The following ZNF492 variants were observed in gnomAD, a reference collection of about 807,000 sequenced individuals.
ZNF492 encodes zinc finger protein 115 (Y20).
Under a neutral mutation model 6.4 loss-of-function variants are expected in ZNF492, and 3 were observed. That is an observed-to-expected ratio of 0.47 (90% confidence interval 0.21 to 1.22). ZNF492 has a LOEUF of 1.22. Among genes scored for constraint, ZNF492 ranks in the 50% most tolerant of loss-of-function variants. The probability of loss-of-function intolerance (pLI) is 0.22; values close to 1 mark genes in which losing one functional copy is unlikely to be tolerated. For missense variants in ZNF492, 356 were observed against 612.5 expected (o/e 0.58, Z 4.42); for synonymous variants, 112 against 205.3 (o/e 0.55, Z 3.89).
At chr19:22,635,795 T>C (rs972109039) in intron 1 of ZNF492, among the ~76,000 whole-genome samples, 2 of 152,190 alleles carry the variant, frequency 1.3e-5, no homozygotes, top group Admixed American at 1.3e-4. Flanking sequence ...CTAAAGTCAT[T>C]TTCTTTCGTA....
intron 1 of ZNF492, among the ~76,000 whole-genome samples, chr19:22,651,849 A>G (rs1282692498): frequency 6.6e-6 from 1 of 152,056 alleles, no homozygotes; most frequent in Non-Finnish European, 1.5e-5. Flanking sequence ...AAGTTTAAAA[A>G]TAATAATAAT....
intron 3 of ZNF492, among the ~76,000 whole-genome samples, chr19:22,663,301 G>A (rs1006717747): frequency 2.6e-5 from 4 of 151,838 alleles, no homozygotes; most frequent in African/African-American, 9.7e-5. Flanking sequence ...CTATATATCT[G>A]TTTTGGTACC....
At chr19:22,650,645 C>T (rs1971930413) in intron 1 of ZNF492, among the ~76,000 whole-genome samples, 1 of 152,052 alleles carries the variant, frequency 6.6e-6, no homozygotes. Context: ...CAGAGTGGCC[C>T]CACACAGTGA....
At chr19:22,659,013 G>A (rs559779193) in intron 3 of ZNF492, among the ~76,000 whole-genome samples, 18 of 152,058 alleles carry the variant, frequency 1.2e-4, no homozygotes, top group South Asian at 1.0e-3. Context: ...CTGTATACTC[G>A]AGGGATTGCT....
chr19:22,634,486 G>A lies in ZNF492; in HGVS notation c.-94+12G>A. 2.9e-6 allele frequency: 4 copies of A among 1,383,784 alleles called. No homozygotes were observed. Among genetic ancestry groups the A allele is most frequent in the Non-Finnish European group, 4.1e-6 (4 of 985,336 alleles). The allele number at this position is 1,383,784 out of a possible 1,614,324, so 85.7% of individuals were successfully genotyped here. ...GAAGCCTAGAAACGGTGAGAGTGCC[G>A]GGTCCGACATCCCGAGAGAGGGGAA... On this transcript the variant is annotated intron_variant, in intron 1 of 3. Transcript: ENST00000456783.
intron 1 of ZNF492, among the ~76,000 whole-genome samples, chr19:22,644,153 C>T (rs1390156625): frequency 8.8e-6 from 1 of 113,512 alleles, no homozygotes; most frequent in African/African-American, 3.3e-5. Flanking sequence ...TCTCAAGATG[C>T]GGTGTAATTT....
intron 1 of ZNF492, among the ~76,000 whole-genome samples, chr19:22,648,135 G>A (rs1971903849): frequency 6.6e-6 from 1 of 152,178 alleles, no homozygotes; most frequent in Admixed American, 6.5e-5. Context: ...CTCTGTCCCA[G>A]AGATTCTAGT....
intron 1 of ZNF492, among the ~76,000 whole-genome samples, chr19:22,651,258 C>A (rs1418374679): frequency 6.6e-6 from 1 of 151,974 alleles, no homozygotes; most frequent in Non-Finnish European, 1.5e-5. Flanking sequence ...ATGAGAGAAC[C>A]TGGATACCTC....
chr19:22,657,624 A>G (rs1972009453), intron 3 of ZNF492, among the ~76,000 whole-genome samples: 1 of 151,112 alleles, frequency 6.6e-6, no homozygotes, highest in Non-Finnish European at 1.5e-5. Context: ...ATCAAGTTAC[A>G]TACCAGATTT....
intron 1 of ZNF492, among the ~76,000 whole-genome samples, chr19:22,649,879 T>C (rs4627500): frequency 0.35 from 53,282 of 152,040 alleles, 9,859 homozygotes; most frequent in African/African-American, 0.49. Context: ...TTTTTGCATT[T>C]GGTTAGAACA....
rs905737106 is a variant in ZNF492 at position 22,665,796 on chromosome 19, T to C, written c.*531T>C. ...AGGTTAGAAAATTCCAGAGAGTTCA[T>C]ATTAAAATATTTTTGCATATACAGT... On this transcript the variant is annotated 3_prime_UTR_variant, in exon 4 of 4. Coordinates refer to ENST00000456783, the MANE Select transcript of ZNF492 (RefSeq NM_020855.3). 6.5e-6 allele frequency: 1 copy of C among 153,708 alleles called. No homozygotes were observed. The allele number at this position is 153,708 out of a possible 1,614,324, so 9.5% of individuals were successfully genotyped here.
intron 1 of ZNF492, among the ~76,000 whole-genome samples, chr19:22,650,732 G>C (rs564252115): frequency 6.6e-6 from 1 of 152,214 alleles, no homozygotes; most frequent in Admixed American, 6.5e-5. Context: ...AGGCTGTGGG[G>C]GACACCTCTT....
chr19:22,648,308 G>A (rs1278135173), intron 1 of ZNF492, among the ~76,000 whole-genome samples: 1 of 152,196 alleles, frequency 6.6e-6, no homozygotes, highest in Admixed American at 6.5e-5. Context: ...TGTGGTCTGA[G>A]AGACTGTTTG....
At chr19:22,657,004 A>G (rs547708446) in intron 3 of ZNF492, among the ~76,000 whole-genome samples, 2 of 152,280 alleles carry the variant, frequency 1.3e-5, no homozygotes, top group African/African-American at 2.4e-5. Context: ...TCTTGCTGTC[A>G]GAAAATAAGC....
rs2361249 is a variant in ZNF492 at position 22,653,429 on chromosome 19, C to T, written c.30C>T (p.Phe10=). MLENYRNLV[F]VGIAASKPDL... is the part of the protein sequence containing the mutation. ...TAGAGAACTACAGAAACCTGGTCTT[C>T]GTGGGTGAGGATAACTTCAATATAC... The change falls in exon 2 of 4, where the codon TTC becomes TTT. Residue 10 remains phenylalanine, a synonymous_variant. Coordinates refer to ENST00000456783, the MANE Select transcript of ZNF492 (RefSeq NM_020855.3). 2.3e-5 allele frequency: 37 copies of T among 1,613,614 alleles called. No individual in the cohort carries two copies. The highest frequency in any genetic ancestry group is 1.7e-4 in the Middle Eastern group (1 of 6,058).
In ZNF492 at chr19:22,660,224, A is replaced by G. The variant is rs531841754; in HGVS notation, c.131-3576A>G. Among the ~76,000 whole-genome samples, 32 of 152,298 alleles carry G rather than the reference A, an allele frequency of 2.1e-4. 1 individual carries two copies. The highest frequency in any genetic ancestry group is 4.1e-4 in the Non-Finnish European group (28 of 68,022). ...GGTTTTTAAAATTTTTAATCTGTTG[A>G]AAGTATGTCTCGATTTGAAAGTTAA... is the stretch of plus-strand genomic sequence containing the variant. On this transcript the variant is annotated intron_variant, in intron 3 of 3. Transcript: ENST00000456783.
At chr19:22,648,054 G>T (rs1190079223) in intron 1 of ZNF492, among the ~76,000 whole-genome samples, 15 of 152,126 alleles carry the variant, frequency 9.9e-5, no homozygotes. Flanking sequence ...TAATTGTGAT[G>T]TTAGGGTGTC....
intron 3 of ZNF492, among the ~76,000 whole-genome samples, chr19:22,657,352 A>G (rs1370929324): frequency 6.6e-6 from 1 of 152,160 alleles, no homozygotes; most frequent in Admixed American, 6.5e-5. Flanking sequence ...TAGCAATGTA[A>G]GGCTATTTTT....
chr19:22,637,222 C>A (rs1203661835), intron 1 of ZNF492, among the ~76,000 whole-genome samples: 2 of 151,914 alleles, frequency 1.3e-5, no homozygotes, highest in Non-Finnish European at 2.9e-5. Context: ...TGTGATCTGC[C>A]TGTCTTGGTC....
Sources: allele counts gnomAD v4.1 joint callset (sites outside exome capture counted in the v4.1 genomes callset), GRCh38; gene constraint gnomAD v4.1.1; transcripts MANE v1.5; gene names NCBI Gene and HGNC (gene_info 2026-07-23, HGNC 2026-07-21).